Variants in PPARGC1A observed in about 807,000 individuals in gnomAD.
PPARGC1A encodes the protein peroxisome proliferator-activated receptor gamma coactivator 1-alpha.
PPARGC1A carries 25 observed loss-of-function variants against 88.7 expected under a neutral mutation model. The ratio of observed to expected loss-of-function variants is 0.28; its 90% confidence interval spans 0.21 to 0.39. The LOEUF (loss-of-function observed/expected upper bound fraction) is 0.39. Among genes scored for constraint, PPARGC1A ranks in the 10% least tolerant of loss-of-function variants. PPARGC1A has a pLI of 1.00. For synonymous variants in PPARGC1A, 363 were observed against 355.6 expected, an observed-to-expected ratio of 1.02 and a Z score of -0.24; for missense variants, 880 against 968.7, an observed-to-expected ratio of 0.91 and a Z score of 1.22.
the PPARGC1A span, among the ~76,000 whole-genome samples, chr4:23,946,621 C>A: frequency 2.0e-5 from 3 of 152,050 alleles, no homozygotes; most frequent in South Asian, 4.2e-4. Flanking sequence ...TACAGTGCAA[C>A]CCAGACATGC....
the PPARGC1A span, among the ~76,000 whole-genome samples, chr4:24,167,657 T>A: frequency 6.6e-6 from 1 of 152,150 alleles, no homozygotes; most frequent in Admixed American, 6.6e-5. Flanking sequence ...AATATCAACA[T>A]CCGGGCAAAA....
At chr4:24,083,532 TA>T in the PPARGC1A span, among the ~76,000 whole-genome samples, 1 of 152,196 alleles carries the variant, frequency 6.6e-6, no homozygotes. Context: ...TTTGCCAACC[TA>T]GAAACCTCTG....
chr4:24,141,759 T>C, the PPARGC1A span, among the ~76,000 whole-genome samples: 4,932 of 152,280 alleles, frequency 0.032, 218 homozygotes, highest in East Asian at 0.098. Context: ...ATTTGGACTC[T>C]GGAGAGAGCA....
chr4:24,174,998 T>C, the PPARGC1A span, among the ~76,000 whole-genome samples: 1 of 152,124 alleles, frequency 6.6e-6, no homozygotes, highest in African/African-American at 2.4e-5. Flanking sequence ...TAAATACAAA[T>C]GTCTCCCAGG....
At chr4:24,314,596 T>C in the PPARGC1A span, among the ~76,000 whole-genome samples, 1 of 152,218 alleles carries the variant, frequency 6.6e-6, no homozygotes, top group African/African-American at 2.4e-5. Context: ...ACTAAGACAA[T>C]CTATTTCTTT....
chr4:24,466,905 A>AAAAAAAG, the PPARGC1A span, among the ~76,000 whole-genome samples: 4 of 145,246 alleles, frequency 2.8e-5, no homozygotes, highest in Admixed American at 6.9e-5. Context: ...AAAAAAGAGG[A>AAAAAAAG]AGGAAGGAAG....
chr4:24,109,320 C>A, the PPARGC1A span, among the ~76,000 whole-genome samples: 2 of 150,740 alleles, frequency 1.3e-5, no homozygotes, highest in Non-Finnish European at 3.0e-5. Context: ...CACACACACA[C>A]ACACACACAC....
the PPARGC1A span, among the ~76,000 whole-genome samples, chr4:23,923,116 G>GTTT: frequency 1.5e-5 from 2 of 131,688 alleles, no homozygotes; most frequent in African/African-American, 2.8e-5. Context: ...TTTGTTGCTT[G>GTTT]TTTTTTTTTT....
At chr4:24,213,891 G>A in the PPARGC1A span, among the ~76,000 whole-genome samples, 79 of 152,314 alleles carry the variant, frequency 5.2e-4, 1 homozygote, top group African/African-American at 1.8e-3. Context: ...TATCTGGTGT[G>A]GTAGGAGGAA....
the PPARGC1A span, among the ~76,000 whole-genome samples, chr4:24,323,533 A>G: frequency 6.6e-6 from 1 of 151,436 alleles, no homozygotes; most frequent in Non-Finnish European, 1.5e-5. Flanking sequence ...CCTGCCCACC[A>G]GAGAACAACC....
chr4:24,430,255 CTT>C, the PPARGC1A span, among the ~76,000 whole-genome samples: 33,971 of 109,242 alleles, frequency 0.31, 3,459 homozygotes, highest in African/African-American at 0.34. Context: ...TTTTGTATTT[CTT>C]TTTTTTTTTT....
chr4:23,839,595 G>A (rs1274727321), intron 2 of PPARGC1A, among the ~76,000 whole-genome samples: 1 of 152,122 alleles, frequency 6.6e-6, no homozygotes, highest in Non-Finnish European at 1.5e-5. Context: ...CTCTCTGGCT[G>A]CATTGCATAG....
chr4:23,913,307 G>GAGAA, the PPARGC1A span, among the ~76,000 whole-genome samples: 1 of 120,906 alleles, frequency 8.3e-6, no homozygotes, highest in Non-Finnish European at 1.8e-5. Flanking sequence ...GAGAGAGAGA[G>GAGAA]AAAGAGAAAA....
At chr4:24,026,937 C>A in the PPARGC1A span, among the ~76,000 whole-genome samples, 15 of 152,132 alleles carry the variant, frequency 9.9e-5, no homozygotes, top group Non-Finnish European at 2.1e-4. Context: ...CTCTTTCCCT[C>A]AAATTTTATA....
chr4:24,100,972 A>G, the PPARGC1A span, among the ~76,000 whole-genome samples: 2 of 152,352 alleles, frequency 1.3e-5, no homozygotes, highest in South Asian at 2.1e-4. Flanking sequence ...AAAACTGAGC[A>G]TGCATTTGCT....
At chr4:24,261,741 A>G in the PPARGC1A span, among the ~76,000 whole-genome samples, 1 of 151,852 alleles carries the variant, frequency 6.6e-6, no homozygotes, top group Admixed American at 6.6e-5. Context: ...CCTTTCTCCT[A>G]TTTGCCTATT....
the PPARGC1A span, chr4:24,258,252 G>A: frequency 1.0e-6 from 1 of 977,192 alleles, no homozygotes; most frequent in African/African-American, 1.8e-5. Flanking sequence ...TTAGTTCACT[G>A]ATTTTCGCAA....
At chr4:24,393,519 A>G in the PPARGC1A span, among the ~76,000 whole-genome samples, 1 of 152,234 alleles carries the variant, frequency 6.6e-6, no homozygotes, top group African/African-American at 2.4e-5. Context: ...GCAATGTCCT[A>G]TGGGCATGCG....
At chr4:23,875,779 T>C (rs546271206) in intron 2 of PPARGC1A, 1 of 152,314 alleles carries the variant, frequency 6.6e-6, no homozygotes, top group South Asian at 2.1e-4. Flanking sequence ...TAATGGAGGG[T>C]AATTATCATT....
Sources: allele counts gnomAD v4.1 joint callset (sites outside exome capture counted in the v4.1 genomes callset), GRCh38; gene constraint gnomAD v4.1.1; transcripts MANE v1.5; gene names NCBI Gene and HGNC (gene_info 2026-07-23, HGNC 2026-07-21).